The following FAM199X variants were observed in gnomAD, a reference collection of about 807,000 sequenced individuals.
The protein encoded by FAM199X is family with sequence similarity 199, X-linked.
FAM199X carries 4 observed loss-of-function variants against 22.9 expected under a neutral mutation model. That is an observed-to-expected ratio of 0.17 (90% CI 0.09 to 0.40). The LOEUF is 0.40. Among genes scored for constraint, FAM199X ranks in the 10% least tolerant of loss-of-function variants. FAM199X has a pLI of 1.00. For missense variants in FAM199X, 183 were observed against 306.8 expected (o/e 0.60, Z 3.01); for synonymous variants, 101 against 112.3 (o/e 0.90, Z 0.64).
intron 1 of FAM199X, among the ~76,000 whole-genome samples, chrX:104,173,381 A>G (rs115521352): frequency 0.039 from 4,371 of 111,777 alleles, 182 homozygotes; most frequent in African/African-American, 0.13. Context: ...ATTGACATCT[A>G]CTTTCTATTT....
intron 1 of FAM199X, among the ~76,000 whole-genome samples, chrX:104,172,059 T>C (rs1330882691): frequency 9.0e-6 from 1 of 111,053 alleles, no homozygotes; most frequent in Non-Finnish European, 1.9e-5. Context: ...ACTTTGTTTT[T>C]ATCTATATTG....
At chrX:104,163,384 C>G (rs1050916801), upstream of FAM199X, among the ~76,000 whole-genome samples, 8 of 111,570 alleles carry the variant, frequency 7.2e-5, no homozygotes, top group Admixed American at 7.7e-4. Context: ...TAAGGAACTA[C>G]TATACCCACC....
At chrX:104,172,087 TA>T (rs1346361362) in intron 1 of FAM199X, among the ~76,000 whole-genome samples, 2 of 110,968 alleles carry the variant, frequency 1.8e-5, no homozygotes, top group East Asian at 5.6e-4. Flanking sequence ...ATTATGATTT[TA>T]AAAATTTGCA....
At chrX:104,189,176 G>A (rs1379836958) in intron 5 of FAM199X, among the ~76,000 whole-genome samples, 1 of 111,203 alleles carries the variant, frequency 9.0e-6, no homozygotes, top group East Asian at 2.8e-4. Context: ...ACCTGCCATT[G>A]TAAGATTGCT....
intron 1 of FAM199X, among the ~76,000 whole-genome samples, chrX:104,171,783 C>T (rs782072299): frequency 8.9e-6 from 1 of 111,989 alleles, no homozygotes; most frequent in Non-Finnish European, 1.9e-5. Context: ...AAATACCATT[C>T]AGATATATCA....
chrX:104,186,811 T>C (rs1251074805), intron 4 of FAM199X, among the ~76,000 whole-genome samples, 190 bp downstream of exon 4: 1 of 111,984 alleles, frequency 8.9e-6, no homozygotes, highest in African/African-American at 3.2e-5. Flanking sequence ...CCAGTACCTT[T>C]CTGGGATCAA....
intron 2 of FAM199X, among the ~76,000 whole-genome samples, chrX:104,183,163 G>T (rs1327101193): frequency 1.8e-5 from 2 of 111,292 alleles, no homozygotes; most frequent in African/African-American, 6.5e-5. Context: ...TATTTTGAAA[G>T]TATAGGTATT....
intron 1 of FAM199X, among the ~76,000 whole-genome samples, chrX:104,172,584 G>A (rs1556375593): frequency 9.0e-6 from 1 of 111,278 alleles, no homozygotes; most frequent in African/African-American, 3.3e-5. Context: ...ACCTTGTGAT[G>A]ATTACAAATC....
chrX:104,177,738 A>C (rs1468593050), intron 2 of FAM199X, among the ~76,000 whole-genome samples: 1 of 112,050 alleles, frequency 8.9e-6, no homozygotes, highest in African/African-American at 3.2e-5. Flanking sequence ...CTCTTTGGGG[A>C]AATATCTATT....
At chrX:104,170,971 C>CA (rs782460739) in intron 1 of FAM199X, among the ~76,000 whole-genome samples, 1 of 111,406 alleles carries the variant, frequency 9.0e-6, no homozygotes, top group East Asian at 2.8e-4. Context: ...GTGGTGAATA[C>CA]AAGTACTGAT....
chrX:104,172,413 C>T (rs782472614), intron 1 of FAM199X, among the ~76,000 whole-genome samples: 1 of 106,963 alleles, frequency 9.3e-6, no homozygotes, highest in African/African-American at 3.4e-5. Context: ...GAGCAAGACC[C>T]TGACTCAAAA....
At chrX:104,177,997 A>G (rs1320302656) in intron 2 of FAM199X, among the ~76,000 whole-genome samples, 2 of 111,583 alleles carry the variant, frequency 1.8e-5, no homozygotes, top group Non-Finnish European at 3.8e-5. Context: ...TCATATTTTA[A>G]AAACCACTGT....
upstream of FAM199X, among the ~76,000 whole-genome samples, chrX:104,164,538 C>G (rs782075489): frequency 9.0e-6 from 1 of 111,136 alleles, no homozygotes; most frequent in African/African-American, 3.3e-5. Context: ...CATTAGACTC[C>G]GCTTTAAAAA....
chrX:104,175,071 G>A (rs1556376138), intron 1 of FAM199X, among the ~76,000 whole-genome samples: 1 of 111,997 alleles, frequency 8.9e-6, no homozygotes, highest in African/African-American at 3.2e-5. Flanking sequence ...CAAGTGCTGT[G>A]TATGCATTCT....
At chrX:104,183,934 C>T (rs1921729628) in intron 2 of FAM199X, among the ~76,000 whole-genome samples, 1 of 111,555 alleles carries the variant, frequency 9.0e-6, no homozygotes, top group Non-Finnish European at 1.9e-5. Context: ...ACATCATAGT[C>T]ATCTTTTGCA....
chrX:104,167,673 C>T (rs1921248708), intron 1 of FAM199X, among the ~76,000 whole-genome samples: 1 of 111,066 alleles, frequency 9.0e-6, no homozygotes, highest in African/African-American at 3.3e-5. Context: ...TTTCCTTCCC[C>T]TTTGAAGAGA....
chrX:104,189,276 TATTA>T (rs1297691515), intron 5 of FAM199X, among the ~76,000 whole-genome samples: 1 of 111,739 alleles, frequency 8.9e-6, no homozygotes. Context: ...TGTCGCCTAG[TATTA>T]ATTATGTGTT....
chrX:104,179,139 A>G (rs1241369893), intron 2 of FAM199X, among the ~76,000 whole-genome samples: 6 of 111,851 alleles, frequency 5.4e-5, no homozygotes, highest in Non-Finnish European at 1.1e-4. Context: ...TTGCAATTCC[A>G]TATGAATTTT....
chrX:104,175,823 A>C lies in FAM199X; in HGVS notation c.398A>C (p.Asp133Ala). The C allele has an allele frequency of 8.3e-7, 1 of 1,206,544 alleles. No individual in the cohort carries two copies. The highest frequency in any genetic ancestry group is 1.1e-6 in the Non-Finnish European group (1 of 892,688). ...SSISTYWDWS[D>A]SEFEWQLPGS... Reference sequence around the variant, plus strand: ...ATTAGCACTTACTGGGATTGGTCAGATAGCGAGTTTGAATGGCAGGTAAGT... The same window carrying C: ...ATTAGCACTTACTGGGATTGGTCAGCTAGCGAGTTTGAATGGCAGGTAAGT... The change falls in exon 2 of 6, where the codon GAT (aspartate) becomes GCT (alanine). Residue 133 changes from aspartate to alanine, a missense_variant. By Grantham distance (126) the Asp-to-Ala change is moderately radical. Transcript: ENST00000493442.
Sources: allele counts gnomAD v4.1 joint callset (sites outside exome capture counted in the v4.1 genomes callset), GRCh38; gene constraint gnomAD v4.1.1; transcripts MANE v1.5; gene names NCBI Gene and HGNC (gene_info 2026-07-23, HGNC 2026-07-21).